DPP6: variants seen among roughly 807,000 people sequenced by gnomAD.
The protein encoded by DPP6 is A-type potassium channel modulatory protein DPP6.
In DPP6, 69 loss-of-function variants were observed where a neutral mutation model predicts 122.6. The observed-to-expected ratio is 0.56, with a 90% CI of 0.46 to 0.69. The LOEUF is 0.69. Ranked by LOEUF, DPP6 falls within the 30% of genes least tolerant of loss-of-function variation. DPP6 has a pLI of 0.00. For synonymous variants in DPP6, 418 were observed against 433.1 expected, an observed-to-expected ratio of 0.97 and a Z score of 0.43; for missense variants, 928 against 1,116.9, an observed-to-expected ratio of 0.83 and a Z score of 2.41.
chr7:154,550,317 T>C (rs193297106), intron 4 of DPP6, among the ~76,000 whole-genome samples: 1,719 of 152,252 alleles, frequency 0.011, 21 homozygotes, highest in South Asian at 0.033. Flanking sequence ...GATACAGCTT[T>C]TTTTCATTTA....
intron 1 of DPP6, among the ~76,000 whole-genome samples, chr7:154,139,044 A>C (rs926653759): frequency 4.6e-5 from 7 of 151,924 alleles, no homozygotes; most frequent in Non-Finnish European, 8.8e-5. Context: ...GACTCAGAGG[A>C]GGTCCTCAAG....
chr7:154,121,282 T>A (rs1807438915), intron 1 of DPP6, among the ~76,000 whole-genome samples: 1 of 152,230 alleles, frequency 6.6e-6, no homozygotes. Context: ...TCTGCTCTAT[T>A]ATTTATTGTT....
intron 1 of DPP6, among the ~76,000 whole-genome samples, chr7:154,326,514 C>T (rs1352527952): frequency 6.6e-6 from 1 of 152,188 alleles, no homozygotes; most frequent in African/African-American, 2.4e-5. Context: ...TACCTGCCAC[C>T]AGTGGACTAA....
In DPP6 at chr7:154,410,047, G is replaced by T. The variant is rs527919255; in HGVS notation, c.244-36167G>T. On this transcript the variant is annotated intron_variant, in intron 1 of 25. Transcript: ENST00000377770. ...TTTATGATGCTAATAAAAGAAGGAA[G>T]ATATATTACATGAGTTAAAGAAATT... Among the ~76,000 whole-genome samples the T allele has an allele frequency of 2.0e-3, 298 of 152,352 alleles. 1 individual carries two copies. The highest frequency in any genetic ancestry group is 6.9e-3 in the African/African-American group (287 of 41,588).
At chr7:154,178,036 C>T (rs1420203083) in intron 1 of DPP6, among the ~76,000 whole-genome samples, 1 of 152,150 alleles carries the variant, frequency 6.6e-6, no homozygotes, top group Non-Finnish European at 1.5e-5. Flanking sequence ...AGTGGTTTCA[C>T]TCCTTTCACC....
chr7:154,446,158 T>C, intron 1 of DPP6, 56 bp from the exon 2 acceptor site: 1 of 1,119,766 alleles, frequency 8.9e-7, no homozygotes, highest in Middle Eastern at 2.0e-4. Flanking sequence ...TCTATTTGGC[T>C]TATTTTATTT....
chr7:154,058,608 TC>T (rs371445989), intron 1 of DPP6: 8 of 147,788 alleles, frequency 5.4e-5, no homozygotes, highest in African/African-American at 1.3e-4. Flanking sequence ...CAGACCCTCT[TC>T]CCCCCCCAGC....
intron 1 of DPP6, among the ~76,000 whole-genome samples, chr7:154,162,493 C>A (rs960415636): frequency 6.6e-6 from 1 of 152,218 alleles, no homozygotes; most frequent in Non-Finnish European, 1.5e-5. Flanking sequence ...TCCCAGGATC[C>A]ATTCCATATT....
At chr7:154,757,913 G>A (rs949366731) in intron 8 of DPP6, among the ~76,000 whole-genome samples, 3 of 152,172 alleles carry the variant, frequency 2.0e-5, no homozygotes, top group Non-Finnish European at 2.9e-5. Flanking sequence ...CAGGGAGGTC[G>A]GAGGCCAGCC....
At chr7:153,752,253 CTTTT>C in the DPP6 span, among the ~76,000 whole-genome samples, 1 of 138,398 alleles carries the variant, frequency 7.2e-6, no homozygotes, top group Non-Finnish European at 1.6e-5. Context: ...ACCACAGCCT[CTTTT>C]TTTTTTTTTT....
intron 5 of DPP6, among the ~76,000 whole-genome samples, chr7:154,604,847 G>A (rs981185315): frequency 2.5e-5 from 3 of 119,730 alleles, no homozygotes; most frequent in African/African-American, 5.3e-5. Context: ...GTTTCTCCCC[G>A]TCCTTGCCTA....
At chr7:153,794,323 G>A in the DPP6 span, among the ~76,000 whole-genome samples, 27 of 152,348 alleles carry the variant, frequency 1.8e-4, no homozygotes, top group East Asian at 2.9e-3. Flanking sequence ...TTGCATCAGC[G>A]TGACCTGGAT....
intron 7 of DPP6, among the ~76,000 whole-genome samples, chr7:154,687,386 T>C (rs1008860513): frequency 6.6e-6 from 1 of 152,214 alleles, no homozygotes; most frequent in Non-Finnish European, 1.5e-5. Context: ...TTTGCTCATG[T>C]TTTCTGGTGC....
intron 2 of DPP6, among the ~76,000 whole-genome samples, chr7:154,465,596 A>G (rs541268134): frequency 6.6e-6 from 1 of 152,382 alleles, no homozygotes; most frequent in East Asian, 1.9e-4. Flanking sequence ...ACCAAGAAAC[A>G]TATGAAAAAA....
chr7:154,876,042 C>A lies in DPP6; in HGVS notation c.2020C>A (p.His674Asn). 6.2e-7 allele frequency: 1 copy of A among 1,611,808 alleles called. No individual in the cohort carries two copies. The highest frequency in any genetic ancestry group is 8.5e-7 in the Non-Finnish European group (1 of 1,178,722). Residue 674 changes from histidine to asparagine, a missense_variant, in exon 20 of 26, where the codon CAC (histidine) becomes AAC (asparagine). By Grantham distance (68) the His-to-Asn change is moderately conservative. Coordinates refer to ENST00000377770, the MANE Select transcript of DPP6 (RefSeq NM_130797.4). ...CGGCTTCCAAGGGACCAAGCTCCTG[C>A]ACGAAGTGAGGCGGCGGCTGGGCTT... The part of the protein sequence containing the change: ...GSGFQGTKLL[H>N]EVRRRLGLLE...
At chr7:153,988,898 T>TGGAA in intron 1 of DPP6, among the ~76,000 whole-genome samples, 1 of 149,214 alleles carries the variant, frequency 6.7e-6, no homozygotes, top group African/African-American at 2.4e-5. Context: ...CGGTGATGTA[T>TGGAA]GGAAGTCAGG....
the DPP6 span, among the ~76,000 whole-genome samples, chr7:153,877,395 T>C: frequency 6.6e-6 from 1 of 152,182 alleles, no homozygotes; most frequent in East Asian, 1.9e-4. Context: ...TGTTTATTAT[T>C]ATCAAACATT....
In DPP6 at chr7:154,282,650, A is replaced by G. The variant is rs60880899; in HGVS notation, c.244-163564A>G. Among the ~76,000 whole-genome samples, 4,397 of 152,278 alleles carry G rather than the reference A, an allele frequency of 0.029. 203 individuals are homozygous for G. The highest frequency in any genetic ancestry group is 0.1 in the African/African-American group (4,192 of 41,530). Reference sequence around the variant, plus strand: ...GTTGCTATCAAATCGCATATGTTGCATGCTTACTTGAAAGGAATTTGCACA... The same window carrying G: ...GTTGCTATCAAATCGCATATGTTGCGTGCTTACTTGAAAGGAATTTGCACA... On this transcript the variant is annotated intron_variant, in intron 1 of 25. Transcript: ENST00000377770. The surrounding 1 kb of genome is among the most constrained non-coding windows in gnomAD (Gnocchi z 4.8).
chr7:154,580,539 G>A (rs1831994120), intron 5 of DPP6, among the ~76,000 whole-genome samples: 1 of 152,174 alleles, frequency 6.6e-6, no homozygotes, highest in African/African-American at 2.4e-5. Context: ...TAGAGCCTGA[G>A]GGGTCCAAGG....
Sources: gnomAD v4.1 joint callset for allele counts (sites outside exome capture counted in the v4.1 genomes callset) on GRCh38, gnomAD v4.1.1 for gene constraint, Gnocchi (gnomAD v3.1) non-coding constraint, MANE v1.5 for transcripts, NCBI Gene and HGNC (gene_info 2026-07-23, HGNC 2026-07-21) for gene names.